Variants in ATXN3 observed in about 807,000 individuals in gnomAD.
The protein encoded by ATXN3 is ataxin 3.
Under a neutral mutation model 58.2 loss-of-function variants are expected in ATXN3, and 28 were observed. That is an observed-to-expected ratio of 0.48 (90% CI 0.36 to 0.66). ATXN3 has a LOEUF of 0.66. Ranked by LOEUF, ATXN3 falls within the 30% of genes least tolerant of loss-of-function variation. The pLI, the probability that ATXN3 is intolerant of heterozygous loss-of-function variation, is 0.00. For synonymous variants in ATXN3, 113 were observed against 138.5 expected (o/e 0.82, Z 1.29); for missense variants, 321 against 422.1 (o/e 0.76, Z 2.10).
At chr14:92,071,980 C>T (rs1306216507) in intron 9 of ATXN3, among the ~76,000 whole-genome samples, 2 of 152,204 alleles carry the variant, frequency 1.3e-5, no homozygotes, top group African/African-American at 4.8e-5. Flanking sequence ...TCTTATCTTA[C>T]TCATCTATTT....
chr14:92,070,658 A>G, intron 10 of ATXN3: 1 of 804,720 alleles, frequency 1.2e-6, no homozygotes, highest in South Asian at 2.0e-5. Flanking sequence ...TTATTATGTT[A>G]AAGTATTCAT....
intron 1 of ATXN3, among the ~76,000 whole-genome samples, chr14:92,097,741 G>A (rs1042179009): frequency 3.9e-5 from 6 of 152,018 alleles, no homozygotes; most frequent in East Asian, 1.9e-4. Context: ...TAGCCAGGAT[G>A]GTCTCGATCT....
At chr14:92,080,879 G>T in intron 9 of ATXN3, 86 bp downstream of exon 9, 1 of 1,054,334 alleles carries the variant, frequency 9.5e-7, no homozygotes, top group Non-Finnish European at 1.4e-6. Flanking sequence ...ATATTCACAG[G>T]ATTCAGGCAG....
At chr14:92,101,213 C>T (rs375468007) in intron 1 of ATXN3, among the ~76,000 whole-genome samples, 11 of 152,276 alleles carry the variant, frequency 7.2e-5, no homozygotes, top group African/African-American at 2.6e-4. Flanking sequence ...ATACTATAAT[C>T]TCAACTGTTT....
At chr14:92,103,696 TA>T (rs1229053612) in intron 1 of ATXN3, among the ~76,000 whole-genome samples, 3 of 152,338 alleles carry the variant, frequency 2.0e-5, no homozygotes, top group Admixed American at 6.5e-5. Flanking sequence ...GCACTGCAGA[TA>T]TATCAGTGAG....
intron 9 of ATXN3, among the ~76,000 whole-genome samples, chr14:92,075,156 G>GTTTTTTTTTTTTTTTTTTTTTTTTTTT (rs376552690): frequency 1.8e-5 from 2 of 111,356 alleles, no homozygotes; most frequent in African/African-American, 3.4e-5. Flanking sequence ...GTAATAGGGA[G>GTTTTTTTTTTTTTTTTTTTTTTTTTTT]TTTTTTTTTT....
At chr14:92,055,853 C>T (rs192969963), downstream of ATXN3, among the ~76,000 whole-genome samples, 26 of 152,218 alleles carry the variant, frequency 1.7e-4, no homozygotes, top group Admixed American at 5.2e-4. The surrounding 1 kb of genome is among the most constrained non-coding windows in gnomAD (Gnocchi z 4.5). Context: ...CCCAGCTATT[C>T]GGGTGGCTGA....
At position 92,064,289 on chromosome 14, in the gene ATXN3, G is replaced by A. The variant is rs1485015106; in HGVS notation, c.*31C>T. The A allele has an allele frequency of 6.8e-7, 1 of 1,466,714 alleles. No homozygotes were observed. Among genetic ancestry groups the A allele is most frequent in the Admixed American group, 1.7e-5 (1 of 59,306 alleles). 90.9% of individuals were successfully genotyped at this position (1,466,714 alleles called of 1,614,324 possible). A position where few individuals can be genotyped will look rare whatever the true frequency, so the allele number is the denominator to read the frequency against. On this transcript the variant is annotated 3_prime_UTR_variant, in exon 11 of 11. Transcript: ENST00000644486. ...TAATCACACAGGATAATGTTGGAAA[G>A]TATGAATATCTAAATTATTTTTTAA...
chr14:92,073,874 G>A (rs1247761175), intron 9 of ATXN3, among the ~76,000 whole-genome samples: 1 of 151,600 alleles, frequency 6.6e-6, no homozygotes, highest in East Asian at 1.9e-4. Flanking sequence ...TTAGCCAGGT[G>A]TGGTGCTACA....
chr14:92,066,601 GTTTTTTT>G (rs66941473), intron 10 of ATXN3, among the ~76,000 whole-genome samples: 3 of 107,016 alleles, frequency 2.8e-5, no homozygotes, highest in African/African-American at 7.1e-5. Flanking sequence ...TTTTTTTCTT[GTTTTTTT>G]TTTTTTTTTT....
At chr14:92,088,672 G>A (rs1394764854) in intron 6 of ATXN3, 58 bp downstream of exon 6, 2 of 1,193,748 alleles carry the variant, frequency 1.7e-6, no homozygotes, top group East Asian at 2.3e-5. Context: ...CATCTAATGT[G>A]CCTGGTTATT....
intron 7 of ATXN3, 76 bp downstream of exon 7, chr14:92,083,050 T>C: frequency 6.6e-7 from 1 of 1,506,890 alleles, no homozygotes; most frequent in Non-Finnish European, 8.9e-7. Flanking sequence ...GGACCACATA[T>C]TCAATCTAAG....
At chr14:92,104,718 T>C (rs375725623) in intron 1 of ATXN3, among the ~76,000 whole-genome samples, 12 of 150,194 alleles carry the variant, frequency 8.0e-5, no homozygotes, top group East Asian at 6.1e-4. Context: ...CTGTCAGGAG[T>C]TGGAGACCAG....
intron 1 of ATXN3, among the ~76,000 whole-genome samples, chr14:92,103,816 A>G (rs2067441308): frequency 1.3e-5 from 2 of 152,202 alleles, no homozygotes; most frequent in Admixed American, 1.3e-4. Flanking sequence ...GTAGGCAGAT[A>G]TTGCTACCTA....
At chr14:92,048,737 T>G (rs1227997449) in intron 1 of ATXN3, among the ~76,000 whole-genome samples, 1 of 151,298 alleles carries the variant, frequency 6.6e-6, no homozygotes, top group Non-Finnish European at 1.5e-5. Context: ...ATAAAAGGAT[T>G]ATAGGGTGGG....
chr14:92,097,111 G>A (rs1051898752), intron 1 of ATXN3, among the ~76,000 whole-genome samples: 22 of 151,920 alleles, frequency 1.4e-4, no homozygotes, highest in Middle Eastern at 3.4e-3. Flanking sequence ...GTTTCATCCT[G>A]TGTTAGCCAG....
At chr14:92,088,286 G>A (rs2063038358) in intron 6 of ATXN3, among the ~76,000 whole-genome samples, 1 of 152,142 alleles carries the variant, frequency 6.6e-6, no homozygotes. Flanking sequence ...TAGCCAGGAT[G>A]GTCTCGATCT....
In ATXN3 at chr14:92,083,164, T is replaced by C. The variant is rs202119840; in HGVS notation, c.570A>G (p.Lys190=). The C allele has an allele frequency of 2.6e-4, 425 of 1,613,438 alleles. 4 individuals are homozygous for C. The South Asian group carries it at 4.3e-3, about 16-fold the overall frequency. The change falls in exon 7 of 11, where the codon AAA becomes AAG. Residue 190 remains lysine (K), a synonymous_variant. Transcript: ENST00000644486. Reference sequence around the variant, plus strand: ...GTTGTGCTAATTCTTCTCCAATAAGTTTTGGTCGATGCATCTGTTGGACCC... The same window carrying C: ...GTTGTGCTAATTCTTCTCCAATAAGCTTTGGTCGATGCATCTGTTGGACCC... ...MIRVQQMHRP[K]LIGEELAQLK...
intron 1 of ATXN3, among the ~76,000 whole-genome samples, chr14:92,100,104 A>G (rs559559866): frequency 6.6e-6 from 1 of 152,338 alleles, no homozygotes; most frequent in East Asian, 1.9e-4. Context: ...TTAGTACACA[A>G]ACTCTAAAAT....
Sources: allele counts gnomAD v4.1 joint callset (sites outside exome capture counted in the v4.1 genomes callset), GRCh38; gene constraint gnomAD v4.1.1; non-coding constraint Gnocchi (gnomAD v3.1); transcripts MANE v1.5; gene names NCBI Gene and HGNC (gene_info 2026-07-23, HGNC 2026-07-21).